The following PHF12 variants were observed in gnomAD, a reference collection of about 807,000 sequenced individuals.
PHF12 encodes PHD factor 1.
Under a neutral mutation model 99.8 loss-of-function variants are expected in PHF12, and 6 were observed. The ratio of observed to expected loss-of-function variants is 0.06; its 90% CI spans 0.03 to 0.12. The LOEUF (loss-of-function observed/expected upper bound fraction) is 0.12, where lower values mean the gene tolerates loss of function less well. PHF12 is among the 10% of genes least tolerant of loss of function. The probability of loss-of-function intolerance (pLI) is 1.00; values close to 1 mark genes in which losing one functional copy is unlikely to be tolerated. For synonymous variants in PHF12, 480 were observed against 514.9 expected, an observed-to-expected ratio of 0.93 and a Z score of 0.92; for missense variants, 954 against 1,300.1, an observed-to-expected ratio of 0.73 and a Z score of 4.09.
At chr17:28,921,163 C>A (rs1381358641) in intron 5 of PHF12, among the ~76,000 whole-genome samples, 4 of 151,958 alleles carry the variant, frequency 2.6e-5, no homozygotes, top group African/African-American at 7.3e-5. Flanking sequence ...GGATTACAGG[C>A]ATGTGCCACA....
intron 5 of PHF12, 149 bp from the exon 6 acceptor site, chr17:28,919,424 T>G: frequency 9.1e-7 from 1 of 1,093,592 alleles, no homozygotes; most frequent in Middle Eastern, 2.3e-4. Flanking sequence ...AGTGATTCAG[T>G]TACATTTATG....
intron 2 of PHF12, among the ~76,000 whole-genome samples, chr17:28,934,039 C>G (rs1394469489): frequency 6.6e-6 from 1 of 151,970 alleles, no homozygotes; most frequent in Non-Finnish European, 1.5e-5. Context: ...AAAGCAAGAC[C>G]CCGCCTCAAA....
At chr17:28,941,845 G>T (rs972395517) in intron 2 of PHF12, among the ~76,000 whole-genome samples, 1 of 152,106 alleles carries the variant, frequency 6.6e-6, no homozygotes, top group Non-Finnish European at 1.5e-5. Flanking sequence ...GACCTCAAGT[G>T]ATCCACCTGC....
chr17:28,906,994 T>C lies in PHF12; in HGVS notation c.2542A>G (p.Asn848Asp). Residue 848 changes from asparagine (N) to aspartate (D), a missense_variant and splice_region_variant, in exon 14 of 15, where the codon AAT becomes GAT. Asn to Asp is a conservative substitution (Grantham distance 23). Coordinates refer to ENST00000332830, the MANE Select transcript of PHF12 (RefSeq NM_001033561.2). This position sits in a 1 kb window ranked among gnomAD's most constrained non-coding sequence, Gnocchi z 4.2. ...TTTAACAGCTCATAATGTTTGGTAT[T>C]CTGAGGAGGAGGAGGGGAGATAAGA... ...GKHACIFYDE[N>D]TKHYELLNYS... The C allele has an allele frequency of 6.2e-7, 1 of 1,604,964 alleles. No homozygotes were observed.
intron 2 of PHF12, among the ~76,000 whole-genome samples, chr17:28,930,898 C>T (rs2040387075): frequency 6.6e-6 from 1 of 152,128 alleles, no homozygotes. Flanking sequence ...TGGTGAAACC[C>T]CACCTCTACT....
At chr17:28,919,786 T>TG (rs2040128849) in intron 5 of PHF12, among the ~76,000 whole-genome samples, 2 of 152,096 alleles carry the variant, frequency 1.3e-5, no homozygotes, top group Admixed American at 6.6e-5. Context: ...ACAACATGGA[T>TG]GGATTTGGGG....
chr17:28,910,082 A>C (rs1436042810), intron 11 of PHF12, 144 bp downstream of exon 11: 1 of 1,259,498 alleles, frequency 7.9e-7, no homozygotes. Flanking sequence ...TCAGAAAAAA[A>C]CCATGGTGCT....
rs781255061 is a variant in PHF12 at position 28,913,050 on chromosome 17, G to C, written c.1521C>G (p.Ser507Arg). Reference sequence around the variant, plus strand: ...CTGGGGACTGGTGGGGTGGAGAGCAGCTCAGGGAATTCTGGGTGCTAATCC... The same window carrying C: ...CTGGGGACTGGTGGGGTGGAGAGCACCTCAGGGAATTCTGGGTGCTAATCC... Reference protein sequence around the residue: ...PSGISTQNSLSCSPPHQSPAL... With the variant: ...PSGISTQNSLRCSPPHQSPAL... The change falls in exon 9 of 15, where the codon AGC becomes AGG. Residue 507 changes from serine to arginine, a missense_variant. By Grantham distance (110) the Ser-to-Arg change is moderately radical. Coordinates refer to ENST00000332830, the MANE Select transcript of PHF12 (RefSeq NM_001033561.2). 3.0e-5 allele frequency: 48 copies of C among 1,614,072 alleles called. No homozygotes were observed. Among genetic ancestry groups the C allele is most frequent in the African/African-American group, 1.3e-5 (1 of 74,912 alleles).
At chr17:28,913,370 C>G in intron 8 of PHF12, 93 bp from the exon 9 acceptor site, 1 of 1,505,474 alleles carries the variant, frequency 6.6e-7, no homozygotes. Flanking sequence ...AGCTGACAAG[C>G]AGTTTCCGAG....
intron 10 of PHF12, 78 bp from the exon 11 acceptor site, chr17:28,910,447 A>G (rs781013197): frequency 6.7e-7 from 1 of 1,489,308 alleles, no homozygotes; most frequent in Non-Finnish European, 9.1e-7. Context: ...TCACAGAGCA[A>G]ATAGTTTGGC....
At chr17:28,915,833 T>C (rs559983230) in intron 7 of PHF12, among the ~76,000 whole-genome samples, 1 of 152,216 alleles carries the variant, frequency 6.6e-6, no homozygotes, top group Non-Finnish European at 1.5e-5. Context: ...AAGTACAAAA[T>C]GCTTTGCAGG....
chr17:28,944,978 T>C (rs1236012666), intron 2 of PHF12: 1 of 152,192 alleles, frequency 6.6e-6, no homozygotes, highest in Non-Finnish European at 1.5e-5. Flanking sequence ...AACCACCTCC[T>C]TAAAAGTTCA....
In PHF12 at chr17:28,923,940, G is replaced by A; in HGVS notation, c.684C>T (p.Pro228=). Residue 228 remains proline (P), a synonymous_variant, in exon 4 of 15, where the codon CCC becomes CCT. Transcript: ENST00000332830. The part of the protein sequence containing the change: ...MERNPTQFQL[P]NELTCTTALP... ...GTGCAGTGGTACAAGTCAGTTCATT[G>A]GGCAACTGAAATTGGGTGGGGTTCC... 6.2e-7 allele frequency: 1 copy of A among 1,612,710 alleles called. No homozygotes were observed. The highest frequency in any genetic ancestry group is 8.5e-7 in the Non-Finnish European group (1 of 1,179,678).
At chr17:28,947,778 T>A (rs898015285) in intron 2 of PHF12, among the ~76,000 whole-genome samples, 1 of 152,238 alleles carries the variant, frequency 6.6e-6, no homozygotes, top group East Asian at 1.9e-4. Flanking sequence ...GATAAGTCAA[T>A]GGTACATTCA....
At chr17:28,911,529 C>T (rs2039960662) in intron 9 of PHF12, 1 of 382,962 alleles carries the variant, frequency 2.6e-6, no homozygotes, top group African/African-American at 2.1e-5. Context: ...GACCACCTCC[C>T]TGCTGCCTCT....
At chr17:28,924,672 C>A (rs866243136) in intron 3 of PHF12, 11 of 318,632 alleles carry the variant, frequency 3.5e-5, no homozygotes, top group African/African-American at 2.4e-4. Flanking sequence ...ATCAATGGGG[C>A]AGGCACGGTG....
chr17:28,918,691 G>A (rs571659743), intron 6 of PHF12, among the ~76,000 whole-genome samples: 1 of 152,306 alleles, frequency 6.6e-6, no homozygotes. Context: ...CTCTTTTCTA[G>A]CCTCAGTCTG....
chr17:28,947,565 G>A (rs558075197), intron 2 of PHF12, among the ~76,000 whole-genome samples: 2 of 152,054 alleles, frequency 1.3e-5, no homozygotes, highest in Admixed American at 6.6e-5. Flanking sequence ...GTGACAAAGC[G>A]AAGACGCCTG....
chr17:28,923,651 CACAAAAAAAA>C (rs2040208713), intron 4 of PHF12, among the ~76,000 whole-genome samples: 3 of 21,958 alleles, frequency 1.4e-4, no homozygotes, highest in Non-Finnish European at 2.3e-4. Flanking sequence ...AAGTGAGACT[CACAAAAAAAA>C]AAAAAAAAAA....
Sources: allele counts gnomAD v4.1 joint callset (sites outside exome capture counted in the v4.1 genomes callset), GRCh38; gene constraint gnomAD v4.1.1; non-coding constraint Gnocchi (gnomAD v3.1); transcripts MANE v1.5; gene names NCBI Gene and HGNC (gene_info 2026-07-23, HGNC 2026-07-21).